CPNE4: variants seen among roughly 807,000 people sequenced by gnomAD.
CPNE4 encodes copine 4, also known as copine-4.
Under a neutral mutation model 67.9 loss-of-function variants are expected in CPNE4, and 25 were observed. The observed-to-expected ratio is 0.37, with a 90% CI of 0.27 to 0.51. CPNE4 has a LOEUF of 0.51. CPNE4 is among the 20% of genes least tolerant of loss of function. CPNE4 has a pLI of 0.93. For synonymous variants in CPNE4, 242 were observed against 244.9 expected, an observed-to-expected ratio of 0.99 and a Z score of 0.11; for missense variants, 464 against 690.8, an observed-to-expected ratio of 0.67 and a Z score of 3.68.
Position 131,559,616 on chromosome 3 carries a change from T to A in CPNE4, c.1062-4065A>T, listed in dbSNP as rs114084313. Among the ~76,000 whole-genome samples the A allele has an allele frequency of 7.4e-3, 1,132 of 152,134 alleles. 21 individuals carry two copies. Among genetic ancestry groups the A allele is most frequent in the African/African-American group, 0.025 (1,055 of 41,552 alleles). Reference sequence around the variant, plus strand: ...TTAGAAATTTTTAGAAACTAAAAAGTTTTAAATTTATAATTTTATTACAGA... The same window carrying A: ...TTAGAAATTTTTAGAAACTAAAAAGATTTAAATTTATAATTTTATTACAGA... On this transcript the variant is annotated intron_variant, in intron 11 of 15. Coordinates refer to ENST00000429747, the MANE Select transcript of CPNE4 (RefSeq NM_130808.3).
Position 131,962,109 on chromosome 3 carries a change from C to G in CPNE4, c.-1-56665G>C, listed in dbSNP as rs1008372144. Among the ~76,000 whole-genome samples, 5 of 152,172 alleles carry G rather than the reference C, an allele frequency of 3.3e-5. No homozygotes were observed. In the East Asian group the frequency reaches 9.6e-4, roughly 29 times the overall value. On this transcript the variant is annotated intron_variant, in intron 1 of 15. Transcript: ENST00000429747. The stretch of plus-strand genomic sequence containing the variant: ...AATTGCCCAGACCTTTGCTGTTCCC[C>G]TTTGAGTAGACTCCCCTTCTAACCT...
intron 15 of CPNE4, among the ~76,000 whole-genome samples, chr3:131,540,302 A>G (rs1935407287): frequency 6.6e-6 from 1 of 152,246 alleles, no homozygotes. Flanking sequence ...AGTTATGAAC[A>G]ATACCTCATC....
chr3:131,737,827 C>A (rs1324900231), intron 2 of CPNE4, among the ~76,000 whole-genome samples: 1 of 151,986 alleles, frequency 6.6e-6, no homozygotes. Context: ...AACTTATCCT[C>A]CTAGAGGACT....
At chr3:131,998,380 G>A (rs547532506) in intron 1 of CPNE4, among the ~76,000 whole-genome samples, 21 of 152,040 alleles carry the variant, frequency 1.4e-4, no homozygotes, top group Admixed American at 3.9e-4. Flanking sequence ...TAATCTACAG[G>A]AACACATTTT....
chr3:131,886,117 A>AG (rs750572130), intron 2 of CPNE4, among the ~76,000 whole-genome samples: 7 of 152,224 alleles, frequency 4.6e-5, no homozygotes, highest in Non-Finnish European at 1.0e-4. Context: ...AAGGCCTAGG[A>AG]GGAAGAAGTG....
At chr3:131,766,811 TCA>T (rs541019926) in intron 2 of CPNE4, among the ~76,000 whole-genome samples, 2,051 of 152,254 alleles carry the variant, frequency 0.013, 33 homozygotes, top group Non-Finnish European at 0.017. Flanking sequence ...TGCACAGTTT[TCA>T]CAGTTTTGTT....
At chr3:131,732,034 A>G (rs1396857022) in intron 2 of CPNE4, among the ~76,000 whole-genome samples, 2 of 152,200 alleles carry the variant, frequency 1.3e-5, no homozygotes, top group Non-Finnish European at 2.9e-5. Flanking sequence ...TCCAATGCAC[A>G]GTTAAGTTGT....
At chr3:131,975,950 G>A (rs890951759) in intron 1 of CPNE4, among the ~76,000 whole-genome samples, 10 of 151,656 alleles carry the variant, frequency 6.6e-5, no homozygotes, top group Admixed American at 2.6e-4. Context: ...CCTCTGATAC[G>A]GTGCGGTAAA....
chr3:131,894,258 G>T (rs1437851065), intron 2 of CPNE4, among the ~76,000 whole-genome samples: 1 of 151,812 alleles, frequency 6.6e-6, no homozygotes, highest in African/African-American at 2.4e-5. Context: ...GGACCTGATG[G>T]CCTTACTGCT....
chr3:131,798,316 C>T (rs1446091969), intron 2 of CPNE4, among the ~76,000 whole-genome samples: 5 of 152,092 alleles, frequency 3.3e-5, no homozygotes, highest in Non-Finnish European at 1.5e-5. Context: ...CAAGTATCTG[C>T]CAATTAAGAT....
In CPNE4 at chr3:131,978,225, T is replaced by A. The variant is rs191344542; in HGVS notation, c.-2+56342A>T. Among the ~76,000 whole-genome samples the A allele has an allele frequency of 2.3e-3, 40 of 17,244 alleles. 2 individuals are homozygous for A. The highest frequency in any genetic ancestry group is 3.1e-3 in the Non-Finnish European group (38 of 12,380). The allele number at this position is 17,244 out of a possible 152,430, so 11.3% of individuals were successfully genotyped here. On this transcript the variant is annotated intron_variant, in intron 1 of 15. Coordinates refer to ENST00000429747, the MANE Select transcript of CPNE4 (RefSeq NM_130808.3). ...ATTATATATAATATATATAATAAAT[T>A]TACATATTTATATATATTTATATAA...
rs150087041 is a variant in CPNE4 at position 131,752,476 on chromosome 3, T to C, written c.181-28851A>G. On this transcript the variant is annotated intron_variant, in intron 2 of 15. Transcript: ENST00000429747. ...TCTTCAGCTCTTGGTCTGGGATATA[T>C]AAGGCAGAAAAACAAACAAAAAATG... 3.9e-3 allele frequency among the ~76,000 whole-genome samples: 600 copies of C among 152,188 alleles called. 6 individuals carry two copies. The highest frequency in any genetic ancestry group is 0.014 in the African/African-American group (569 of 41,536).
intron 10 of CPNE4, among the ~76,000 whole-genome samples, chr3:131,570,823 A>C: frequency 6.6e-6 from 1 of 152,080 alleles, no homozygotes; most frequent in East Asian, 1.9e-4. Context: ...AAAAAGAATA[A>C]GAATCATTGA....
intron 2 of CPNE4, among the ~76,000 whole-genome samples, chr3:131,827,969 G>A (rs916921834): frequency 2.6e-5 from 4 of 151,928 alleles, no homozygotes; most frequent in Admixed American, 2.0e-4. Flanking sequence ...AGCTCTTCAC[G>A]AGGTTCCTGC....
intron 6 of CPNE4, among the ~76,000 whole-genome samples, chr3:131,674,008 T>C (rs1257315785): frequency 1.3e-5 from 2 of 151,472 alleles, no homozygotes; most frequent in East Asian, 3.9e-4. Context: ...TTTTTTGCAT[T>C]TTTTTTTATC....
intron 2 of CPNE4, among the ~76,000 whole-genome samples, chr3:131,778,133 G>C (rs1480719875): frequency 1.3e-5 from 2 of 152,104 alleles, no homozygotes; most frequent in Admixed American, 1.3e-4. Flanking sequence ...CATCAAGCCT[G>C]TTCCCTGGAA....
At chr3:131,866,058 G>A (rs1165194961) in intron 2 of CPNE4, among the ~76,000 whole-genome samples, 2 of 152,366 alleles carry the variant, frequency 1.3e-5, no homozygotes, top group Admixed American at 6.5e-5. Flanking sequence ...TGGAGCTGAG[G>A]TAATCCCTGA....
At position 131,635,336 on chromosome 3, in the gene CPNE4, A is replaced by C. The variant is rs552920077; in HGVS notation, c.681+34339T>G. Among the ~76,000 whole-genome samples the C allele has an allele frequency of 3.3e-5, 5 of 152,314 alleles. No homozygotes were observed. The East Asian group carries it at 7.7e-4, about 23-fold the overall frequency. On this transcript the variant is annotated intron_variant, in intron 7 of 15. Transcript: ENST00000429747. ...TAAAAGTGCCCTACTAATGTTTAAA[A>C]AGACTATTCTAGGTTTATCAATTTC...
chr3:131,849,503 A>G (rs1327823555), intron 2 of CPNE4, among the ~76,000 whole-genome samples: 3 of 152,070 alleles, frequency 2.0e-5, no homozygotes, highest in African/African-American at 7.2e-5. Context: ...AACTCACTCT[A>G]TATTACAAGA....
Sources: allele counts gnomAD v4.1 joint callset (sites outside exome capture counted in the v4.1 genomes callset), GRCh38; gene constraint gnomAD v4.1.1; transcripts MANE v1.5; gene names NCBI Gene and HGNC (gene_info 2026-07-23, HGNC 2026-07-21).